LINGO2: variants seen among roughly 807,000 people sequenced by gnomAD.
LINGO2 encodes leucine-rich repeat and immunoglobulin-like domain-containing nogo receptor-interacting protein 2.
Under a neutral mutation model 30.6 loss-of-function variants are expected in LINGO2, and 14 were observed. That is an observed-to-expected ratio of 0.46 (90% confidence interval 0.30 to 0.72). The LOEUF is 0.72. Ranked by LOEUF, LINGO2 falls within the 30% of genes least tolerant of loss-of-function variation. The pLI, the probability that LINGO2 is intolerant of heterozygous loss-of-function variation, is 0.07. For synonymous variants in LINGO2, 317 were observed against 288.5 expected (o/e 1.10, Z -1.00); for missense variants, 729 against 751.7 (o/e 0.97, Z 0.35).
intron 4 of LINGO2, among the ~76,000 whole-genome samples, chr9:28,154,239 A>G (rs1341657769): frequency 3.3e-5 from 5 of 152,066 alleles, no homozygotes; most frequent in Admixed American, 3.3e-4. Context: ...ATTTATTACT[A>G]TGAGATTTTA....
Position 28,007,385 on chromosome 9 carries a change from G to A in LINGO2, c.-36+4970C>T, listed in dbSNP as rs146027545. Among the ~76,000 whole-genome samples the A allele has an allele frequency of 8.0e-3, 1,224 of 152,178 alleles. 4 individuals carry two copies. Among genetic ancestry groups the A allele is most frequent in the Non-Finnish European group, 0.013 (892 of 68,000 alleles). ...AAAAGCGCTACGCATGATGAAAACTGAGTAACAGTCCAGTACCAAGTAAAG... is the reference window on the plus strand; with the variant it reads ...AAAAGCGCTACGCATGATGAAAACTAAGTAACAGTCCAGTACCAAGTAAAG... On this transcript the variant is annotated intron_variant, in intron 5 of 5. Coordinates refer to ENST00000379992, the Ensembl canonical transcript of LINGO2.
At chr9:28,426,021 G>A (rs1823396341) in intron 2 of LINGO2, among the ~76,000 whole-genome samples, 1 of 151,928 alleles carries the variant, frequency 6.6e-6, no homozygotes, top group South Asian at 2.1e-4. Context: ...AGAGAAGATA[G>A]AGTCATTTGT....
chr9:28,909,342 A>T, the LINGO2 span, among the ~76,000 whole-genome samples: 68 of 152,072 alleles, frequency 4.5e-4, no homozygotes, highest in African/African-American at 1.5e-3. Context: ...AGTTGTCACT[A>T]AAGTTACTAT....
intron 5 of LINGO2, among the ~76,000 whole-genome samples, chr9:27,972,266 G>A (rs1820391721): frequency 6.6e-6 from 1 of 152,158 alleles, no homozygotes; most frequent in African/African-American, 2.4e-5. Flanking sequence ...TCAGCAGCTG[G>A]GTTCCGGTAA....
chr9:28,040,596 CTG>C (rs1311713711), intron 4 of LINGO2, among the ~76,000 whole-genome samples: 1 of 152,100 alleles, frequency 6.6e-6, no homozygotes, highest in Non-Finnish European at 1.5e-5. Flanking sequence ...CCAATACTAA[CTG>C]AGCGCTATCA....
chr9:29,199,679 T>C, the LINGO2 span, among the ~76,000 whole-genome samples: 1 of 152,140 alleles, frequency 6.6e-6, no homozygotes, highest in African/African-American at 2.4e-5. Flanking sequence ...TTTATATGAA[T>C]AGTATGTAAA....
chr9:28,892,739 G>A, the LINGO2 span, among the ~76,000 whole-genome samples: 1 of 152,016 alleles, frequency 6.6e-6, no homozygotes, highest in Admixed American at 6.6e-5. Context: ...TTTCTATTCT[G>A]AGTCATACTA....
intron 1 of LINGO2, among the ~76,000 whole-genome samples, chr9:28,534,637 T>C (rs1821358360): frequency 6.6e-6 from 1 of 152,156 alleles, no homozygotes; most frequent in Admixed American, 6.6e-5. Flanking sequence ...TTACTTATTA[T>C]AATGTTTGGG....
At chr9:28,437,990 T>A (rs1472967616) in intron 2 of LINGO2, among the ~76,000 whole-genome samples, 1 of 152,152 alleles carries the variant, frequency 6.6e-6, no homozygotes, top group Admixed American at 6.5e-5. Flanking sequence ...ATCAAACAAG[T>A]GACTTAAGAA....
intron 2 of LINGO2, among the ~76,000 whole-genome samples, chr9:28,459,355 A>C (rs1824983602): frequency 6.6e-6 from 1 of 152,038 alleles, no homozygotes; most frequent in Admixed American, 6.6e-5. Context: ...TACTCATTTT[A>C]AAGTTAAGGA....
At chr9:29,105,826 G>A in the LINGO2 span, among the ~76,000 whole-genome samples, 1 of 152,172 alleles carries the variant, frequency 6.6e-6, no homozygotes, top group Non-Finnish European at 1.5e-5. Flanking sequence ...GGATCTAAGA[G>A]TGGTCCTCCC....
chr9:28,348,873 C>T (rs1479553196), intron 3 of LINGO2, among the ~76,000 whole-genome samples: 1 of 151,578 alleles, frequency 6.6e-6, no homozygotes, highest in Non-Finnish European at 1.5e-5. Context: ...TGGGAGGCAC[C>T]CCCCACCAGG....
In LINGO2 at chr9:28,117,685, C is replaced by G. The variant is rs374933652; in HGVS notation, c.-86-105280G>C. On this transcript the variant is annotated intron_variant, in intron 4 of 5. Coordinates refer to ENST00000379992, the Ensembl canonical transcript of LINGO2. The stretch of plus-strand genomic sequence containing the variant: ...AGTGACCCGATTTTCCAGGTGCGTC[C>G]GTCACCCCTTTCTTTGACTCGGAAA... 5.0e-5 allele frequency among the ~76,000 whole-genome samples: 7 copies of G among 138,962 alleles called. No homozygotes were observed. In the East Asian group the frequency reaches 1.5e-3, roughly 30 times the overall value. The allele number at this position is 138,962 out of a possible 152,430, so 91.2% of individuals were successfully genotyped here.
chr9:28,631,708 T>G (rs62548189), intron 1 of LINGO2, among the ~76,000 whole-genome samples: 12,277 of 152,088 alleles, frequency 0.081, 700 homozygotes, highest in Admixed American at 0.21. Flanking sequence ...TATGTTGCTG[T>G]CTCCCCAAGT....
the LINGO2 span, among the ~76,000 whole-genome samples, chr9:29,091,871 T>C: frequency 6.6e-6 from 1 of 152,042 alleles, no homozygotes; most frequent in South Asian, 2.1e-4. Context: ...CATAATATTT[T>C]TGTTTTAGAT....
intron 4 of LINGO2, among the ~76,000 whole-genome samples, chr9:28,186,464 A>G (rs994315957): frequency 3.3e-5 from 5 of 152,176 alleles, no homozygotes; most frequent in African/African-American, 1.2e-4. Flanking sequence ...AAGAGCAAAG[A>G]TCTCTGTTTT....
chr9:28,559,805 C>T (rs900547483), intron 1 of LINGO2, among the ~76,000 whole-genome samples: 2 of 151,950 alleles, frequency 1.3e-5, no homozygotes, highest in South Asian at 4.1e-4. Flanking sequence ...ATATTTATAT[C>T]TCCAGGATGT....
chr9:29,064,985 A>T, the LINGO2 span, among the ~76,000 whole-genome samples: 2 of 152,136 alleles, frequency 1.3e-5, no homozygotes, highest in Admixed American at 1.3e-4. Flanking sequence ...CTGTACTAAA[A>T]GAGTAAAGAC....
At chr9:28,040,356 G>A (rs1264123477) in intron 4 of LINGO2, among the ~76,000 whole-genome samples, 1 of 151,558 alleles carries the variant, frequency 6.6e-6, no homozygotes, top group African/African-American at 2.4e-5. Flanking sequence ...GAATTGGAAG[G>A]TTCCTAGCAA....
Sources: allele counts gnomAD v4.1 joint callset (sites outside exome capture counted in the v4.1 genomes callset), GRCh38; gene constraint gnomAD v4.1.1; transcripts MANE v1.5; gene names NCBI Gene and HGNC (gene_info 2026-07-23, HGNC 2026-07-21).